Variants in ABCC4 observed in about 807,000 individuals in gnomAD.
ABCC4 encodes ATP binding cassette subfamily C member 4 (PEL blood group), also known as ATP-binding cassette sub-family C member 4.
Under a neutral mutation model 168.5 loss-of-function variants are expected in ABCC4, and 102 were observed. That is an observed-to-expected ratio of 0.61 (90% confidence interval 0.52 to 0.71). ABCC4 has a LOEUF of 0.71. Ranked by LOEUF, ABCC4 falls within the 30% of genes least tolerant of loss-of-function variation. ABCC4 has a pLI of 0.00. For missense variants in ABCC4, 1,402 were observed against 1,605.8 expected (o/e 0.87, Z 2.17); for synonymous variants, 617 against 590.7 (o/e 1.04, Z -0.65).
At chr13:95,073,532 C>A in intron 23 of ABCC4, 1 of 350,504 alleles carries the variant, frequency 2.9e-6, no homozygotes, top group South Asian at 9.5e-5. Flanking sequence ...CCAACAGGAT[C>A]GACATAGATT....
intron 19 of ABCC4, among the ~76,000 whole-genome samples, chr13:95,119,497 G>C (rs1172145279): frequency 6.6e-6 from 1 of 152,100 alleles, no homozygotes; most frequent in Non-Finnish European, 1.5e-5. Flanking sequence ...GAGTCAGGTT[G>C]CTCCTAACTT....
At position 95,020,252 on chromosome 13, in the gene ABCC4, T is replaced by C. The variant is rs1451186738; in HGVS notation, c.*1323A>G. 2 of 152,208 alleles carry C rather than the reference T, an allele frequency of 1.3e-5. No homozygotes were observed. Among genetic ancestry groups the C allele is most frequent in the Non-Finnish European group, 2.9e-5 (2 of 68,032 alleles). The allele number at this position is 152,208 out of a possible 1,614,324, so 9.4% of individuals were successfully genotyped here. ...AAACTTGCTATACGAAGGACAAATA[T>C]ATGTATACAAACAAATGCACACGTG... On this transcript the variant is annotated 3_prime_UTR_variant, in exon 31 of 31. Transcript: ENST00000645237.
intron 25 of ABCC4, among the ~76,000 whole-genome samples, chr13:95,067,524 G>T (rs115174095): frequency 8.1e-4 from 123 of 152,158 alleles, no homozygotes; most frequent in African/African-American, 2.9e-3. Flanking sequence ...CAGGAGTGGG[G>T]GTGGTTCTTG....
At chr13:95,266,711 A>G (rs871175) in intron 1 of ABCC4, among the ~76,000 whole-genome samples, 13,657 of 151,940 alleles carry the variant, frequency 0.09, 1,330 homozygotes, top group African/African-American at 0.24. Flanking sequence ...CCATTAGTAA[A>G]TGGGGCATTA....
intron 18 of ABCC4, 94 bp downstream of exon 18, chr13:95,163,027 AT>A: frequency 2.5e-6 from 2 of 809,540 alleles, no homozygotes; most frequent in Non-Finnish European, 2.2e-6. Context: ...CTGTTAAGAC[AT>A]TACTGAATGA....
At chr13:95,118,889 T>C (rs953598408) in intron 19 of ABCC4, among the ~76,000 whole-genome samples, 2 of 152,126 alleles carry the variant, frequency 1.3e-5, no homozygotes, top group Non-Finnish European at 2.9e-5. Context: ...GAATCGAATT[T>C]CTCTTGACAG....
intron 1 of ABCC4, among the ~76,000 whole-genome samples, chr13:95,277,815 A>T (rs1026448559): frequency 6.6e-6 from 1 of 152,102 alleles, no homozygotes; most frequent in African/African-American, 2.4e-5. Context: ...AGAGATCACA[A>T]AACGTGTCCC....
intron 27 of ABCC4, among the ~76,000 whole-genome samples, chr13:95,049,435 T>C (rs987946526): frequency 4.0e-5 from 6 of 151,446 alleles, no homozygotes; most frequent in South Asian, 2.1e-4. Flanking sequence ...AGGTCAGGGG[T>C]TTGAGACCAG....
rs545174368 is a variant in ABCC4 at position 95,099,432 on chromosome 13, A to G, written c.2536-16142T>C. ...TTAGAGGGTGGATATTGGAATGTAC[A>G]CAATTAGTAAAATTCAACCTAAAAA... On this transcript the variant is annotated intron_variant, in intron 20 of 30. Coordinates refer to ENST00000645237, the MANE Select transcript of ABCC4 (RefSeq NM_005845.5). Among the ~76,000 whole-genome samples the G allele has an allele frequency of 4.6e-5, 7 of 152,320 alleles. No individual in the cohort carries two copies. The South Asian group carries it at 1.0e-3, about 23-fold the overall frequency.
chr13:95,218,880 GAGAC>G (rs1210529284), intron 4 of ABCC4, among the ~76,000 whole-genome samples: 14 of 122,864 alleles, frequency 1.1e-4, no homozygotes, highest in East Asian at 9.0e-4. Flanking sequence ...GAAAAGAAAA[GAGAC>G]AGACAGATGA....
chr13:95,275,423 T>G (rs1409787861), intron 1 of ABCC4, among the ~76,000 whole-genome samples: 2 of 152,202 alleles, frequency 1.3e-5, no homozygotes, highest in Admixed American at 1.3e-4. Context: ...CTGAGATTGC[T>G]TAAGCTCTGT....
chr13:95,163,768 A>G (rs1338424487), intron 16 of ABCC4, 121 bp from the exon 17 acceptor site: 2 of 804,810 alleles, frequency 2.5e-6, no homozygotes, highest in Non-Finnish European at 4.1e-6. Flanking sequence ...GTGGTGGCTC[A>G]TGCTTGTAAA....
intron 19 of ABCC4, among the ~76,000 whole-genome samples, chr13:95,160,334 C>T (rs1332522732): frequency 1.3e-5 from 2 of 152,146 alleles, no homozygotes; most frequent in Non-Finnish European, 1.5e-5. Context: ...ATCATTTGCA[C>T]AATGTCACTC....
At chr13:95,077,212 A>G (rs1397876159) in intron 21 of ABCC4, among the ~76,000 whole-genome samples, 2 of 152,238 alleles carry the variant, frequency 1.3e-5, no homozygotes, top group Admixed American at 6.5e-5. Context: ...TGTCTTTAGC[A>G]TTCTTTTCTG....
intron 4 of ABCC4, among the ~76,000 whole-genome samples, chr13:95,224,055 T>C (rs2039383160): frequency 6.6e-6 from 1 of 151,378 alleles, no homozygotes; most frequent in Non-Finnish European, 1.5e-5. Context: ...GGTTAAATAT[T>C]TCCTAAACTT....
chr13:95,202,460 C>T (rs1037620887), intron 8 of ABCC4, among the ~76,000 whole-genome samples: 1 of 152,176 alleles, frequency 6.6e-6, no homozygotes, highest in Admixed American at 6.5e-5. Flanking sequence ...ACACTAAGTC[C>T]AATCCCCTTA....
intron 20 of ABCC4, among the ~76,000 whole-genome samples, chr13:95,091,314 G>GA (rs1205066359): frequency 6.6e-6 from 1 of 152,090 alleles, no homozygotes; most frequent in African/African-American, 2.4e-5. Context: ...GAAATTCATT[G>GA]AAAAAAATCA....
chr13:95,166,276 T>C lies in ABCC4; in HGVS notation c.1916A>G (p.Glu639Gly), dbSNP rs747735221. 6.2e-7 allele frequency: 1 copy of C among 1,614,156 alleles called. No homozygotes were observed. Among genetic ancestry groups the C allele is most frequent in the Admixed American group, 1.7e-5 (1 of 60,028 alleles). The stretch of plus-strand genomic sequence containing the variant: ...GGGAGTTCCTGGAACTGGAGGTTGT[T>C]CACTTTCCTCATTATCCTTCTTTAA... ...SLLKKDNEES[E>G]QPPVPGTPTL... Residue 639 changes from glutamate (E) to glycine (G), a missense_variant, in exon 15 of 31, where the codon GAA becomes GGA. Glu to Gly is a moderately conservative substitution (Grantham distance 98, BLOSUM62 -2). This residue lies in a region of ABCC4 where 1,007 missense variants were observed against 1,127.3 expected (regional missense o/e 0.89). Coordinates refer to ENST00000645237, the MANE Select transcript of ABCC4 (RefSeq NM_005845.5).
Position 95,234,789 on chromosome 13 carries a change from T to A in ABCC4, c.352A>T (p.Asn118Tyr). Residue 118 changes from asparagine to tyrosine, a missense_variant, in exon 4 of 31, where the codon AAT (asparagine) becomes TAT (tyrosine). Around this residue, in one of 3 missense-constraint regions of ABCC4, gnomAD observed 317 missense variants for 345.5 expected, o/e 0.92. Coordinates refer to ENST00000645237, the MANE Select transcript of ABCC4 (RefSeq NM_005845.5). ...ATGGGATCATAATTTTCAAAATAAT[T>A]AATAATTTTTCCCAAAAATATGGGC... ...IQPIFLGKII[N>Y]YFENYDPMDS... is the part of the protein sequence containing the mutation. 6.3e-7 allele frequency: 1 copy of A among 1,595,868 alleles called. No individual in the cohort carries two copies. Among genetic ancestry groups the A allele is most frequent in the Non-Finnish European group, 8.5e-7 (1 of 1,170,112 alleles).
Sources: allele counts gnomAD v4.1 joint callset (sites outside exome capture counted in the v4.1 genomes callset), GRCh38; gene constraint gnomAD v4.1.1; regional missense constraint gnomAD v4.1.1; transcripts MANE v1.5; gene names NCBI Gene and HGNC (gene_info 2026-07-23, HGNC 2026-07-21).